FAM228A: variants seen among roughly 807,000 people sequenced by gnomAD.
The protein encoded by FAM228A is protein FAM228A.
Under a neutral mutation model 18.6 loss-of-function variants are expected in FAM228A, and 13 were observed. That is an observed-to-expected ratio of 0.70 (90% confidence interval 0.45 to 1.11). The LOEUF (loss-of-function observed/expected upper bound fraction) is 1.11. Ranked by LOEUF, FAM228A falls within the 50% of genes least tolerant of loss-of-function variation. The pLI, the probability that FAM228A is intolerant of heterozygous loss-of-function variation, is 0.00. For synonymous variants in FAM228A, 77 were observed against 86.6 expected, an observed-to-expected ratio of 0.89 and a Z score of 0.61; for missense variants, 240 against 242.2, an observed-to-expected ratio of 0.99 and a Z score of 0.06.
rs548238970 is a variant in FAM228A at position 24,190,983 on chromosome 2, T to C, written c.*352T>C. ...TACTCCATCCAAACTGCACCAAAGA[T>C]GGTGTTCTCCTTAGTCCACACACAA... is the stretch of plus-strand genomic sequence containing the variant. On this transcript the variant is annotated 3_prime_UTR_variant, in exon 6 of 6. Coordinates refer to ENST00000295150, the MANE Select transcript of FAM228A (RefSeq NM_001040710.3). 15 of 1,032,940 alleles carry C rather than the reference T, an allele frequency of 1.5e-5. No homozygotes were observed. The East Asian group carries it at 1.1e-3, about 75-fold the overall frequency. The allele number at this position is 1,032,940 out of a possible 1,614,324, so 64.0% of individuals were successfully genotyped here.
intron 1 of FAM228A, 40 bp downstream of exon 1, chr2:24,175,214 G>A (rs1294250795): frequency 2.3e-6 from 1 of 441,636 alleles, no homozygotes. Flanking sequence ...GGGTCGCGGA[G>A]CCCAGGGAGG....
At chr2:24,180,375 C>A (rs1667788743) in intron 3 of FAM228A, among the ~76,000 whole-genome samples, 1 of 151,932 alleles carries the variant, frequency 6.6e-6, no homozygotes, top group Admixed American at 6.6e-5. Context: ...TCACTTGAGC[C>A]TGGGAGGCGG....
chr2:24,176,196 C>A (rs1384787471), intron 2 of FAM228A: 6 of 984,428 alleles, frequency 6.1e-6, no homozygotes, highest in South Asian at 4.7e-5. Flanking sequence ...TGTTAACAAT[C>A]TTACTAGGAT....
At chr2:24,175,994 G>A (rs1667681206) in intron 2 of FAM228A, 1 of 999,724 alleles carries the variant, frequency 1.0e-6, no homozygotes. Context: ...GGCGGTCGGA[G>A]CAGTGAGATG....
intron 2 of FAM228A, chr2:24,176,344 C>A: frequency 2.9e-6 from 1 of 341,412 alleles, no homozygotes; most frequent in Non-Finnish European, 3.6e-6. Flanking sequence ...TTGCCATCTT[C>A]ATTTTAATTA....
At chr2:24,188,396 T>TC in intron 5 of FAM228A, 2 of 982,824 alleles carry the variant, frequency 2.0e-6, no homozygotes, top group Non-Finnish European at 2.4e-6. Flanking sequence ...TGCTCTCCCT[T>TC]CCCCCTCCCC....
chr2:24,176,862 C>T (rs1667705554), intron 2 of FAM228A, among the ~76,000 whole-genome samples: 1 of 152,180 alleles, frequency 6.6e-6, no homozygotes, highest in Admixed American at 6.5e-5. Context: ...ATTTTCATTG[C>T]CTTTTCATTT....
chr2:24,175,903 A>C (rs1573799133), intron 2 of FAM228A: 21 of 1,078,130 alleles, frequency 1.9e-5, no homozygotes, highest in Non-Finnish European at 2.4e-5. Context: ...AAAAAGTTTC[A>C]TTATTTTGTG....
chr2:24,179,584 G>A (rs1433102610), intron 3 of FAM228A, among the ~76,000 whole-genome samples: 2 of 152,282 alleles, frequency 1.3e-5, no homozygotes, highest in East Asian at 3.9e-4. Context: ...TCTCGTGGTG[G>A]GTTCTGACAG....
At chr2:24,178,069 G>T (rs750798953) in intron 3 of FAM228A, among the ~76,000 whole-genome samples, 199 bp downstream of exon 3, 1 of 152,162 alleles carries the variant, frequency 6.6e-6, no homozygotes, top group Non-Finnish European at 1.5e-5. Flanking sequence ...AAAGGTCCCT[G>T]ATCCCACTTG....
At position 24,177,991 on chromosome 2, in the gene FAM228A, G is replaced by C; in HGVS notation, c.162+121G>C. The C allele has an allele frequency of 1.6e-5, 10 of 620,256 alleles. 1 individual carries two copies. The highest frequency in any genetic ancestry group is 2.8e-5 in the Non-Finnish European group (10 of 361,422). 38.4% of individuals were successfully genotyped at this position (620,256 alleles called of 1,614,324 possible). On this transcript the variant is annotated intron_variant, in intron 3 of 5. Transcript: ENST00000295150. Reference sequence around the variant, plus strand: ...GAGACTCATTTTGCAGGAGTAATGAGGATCCTCTAATTTACTTGTTTGTAC... The same window carrying C: ...GAGACTCATTTTGCAGGAGTAATGACGATCCTCTAATTTACTTGTTTGTAC...
At chr2:24,188,298 C>A in intron 5 of FAM228A, 1 of 266,438 alleles carries the variant, frequency 3.8e-6, no homozygotes, top group Non-Finnish European at 5.8e-6. Context: ...GCAGATTGTG[C>A]AGGTTTGTTA....
intron 2 of FAM228A, among the ~76,000 whole-genome samples, chr2:24,177,276 C>T (rs1468282722): frequency 6.6e-6 from 1 of 152,158 alleles, no homozygotes; most frequent in Non-Finnish European, 1.5e-5. Flanking sequence ...TCTGTCTCTA[C>T]TAAAAACACA....
intron 5 of FAM228A, among the ~76,000 whole-genome samples, chr2:24,189,886 C>G (rs187579791): frequency 2.0e-5 from 3 of 152,026 alleles, no homozygotes; most frequent in Non-Finnish European, 4.4e-5. Flanking sequence ...GGAAGCCAAG[C>G]CAGGAAGGGA....
At chr2:24,187,067 C>G (rs556522055) in intron 5 of FAM228A, among the ~76,000 whole-genome samples, 1 of 152,260 alleles carries the variant, frequency 6.6e-6, no homozygotes, top group East Asian at 1.9e-4. Context: ...AACATTTTGC[C>G]TTTCTCTCTC....
intron 5 of FAM228A, among the ~76,000 whole-genome samples, chr2:24,185,565 T>C (rs1184497022): frequency 6.6e-6 from 1 of 152,250 alleles, no homozygotes; most frequent in Non-Finnish European, 1.5e-5. Flanking sequence ...AGAATTGACA[T>C]CTTTACAATT....
chr2:24,176,151 A>G, intron 2 of FAM228A: 5 of 984,626 alleles, frequency 5.1e-6, no homozygotes, highest in Non-Finnish European at 6.0e-6. Context: ...AACAAAGATT[A>G]TTTGAGAATC....
chr2:24,180,874 C>A (rs537329458), intron 3 of FAM228A, among the ~76,000 whole-genome samples: 15 of 152,108 alleles, frequency 9.9e-5, no homozygotes, highest in Non-Finnish European at 1.5e-4. Context: ...AGTCTTGACA[C>A]CACTTTATAG....
intron 5 of FAM228A, 102 bp downstream of exon 5, chr2:24,183,747 T>C (rs979624330): frequency 2.1e-6 from 2 of 934,702 alleles, no homozygotes; most frequent in Non-Finnish European, 1.6e-6. Context: ...TTTAGTAGTT[T>C]ATAGTTTTAT....
Sources: allele counts gnomAD v4.1 joint callset (sites outside exome capture counted in the v4.1 genomes callset), GRCh38; gene constraint gnomAD v4.1.1; transcripts MANE v1.5; gene names NCBI Gene and HGNC (gene_info 2026-07-23, HGNC 2026-07-21).